The following TMOD3 variants were observed in gnomAD, a reference collection of about 807,000 sequenced individuals.
TMOD3 encodes tropomodulin-3.
TMOD3 carries 20 observed loss-of-function variants against 39.2 expected under a neutral mutation model. The observed-to-expected ratio is 0.51, with a 90% CI of 0.36 to 0.74. The LOEUF is 0.74. Ranked by LOEUF, TMOD3 falls within the 30% of genes least tolerant of loss-of-function variation. TMOD3 has a pLI of 0.00. For synonymous variants in TMOD3, 143 were observed against 145.8 expected, an observed-to-expected ratio of 0.98 and a Z score of 0.14; for missense variants, 381 against 412.8, an observed-to-expected ratio of 0.92 and a Z score of 0.67.
At chr15:51,871,235 G>A (rs886681474) in intron 3 of TMOD3, among the ~76,000 whole-genome samples, 2 of 152,196 alleles carry the variant, frequency 1.3e-5, no homozygotes, top group Admixed American at 6.5e-5. Context: ...GTTTTGAAGT[G>A]TGGAGAATCA....
chr15:51,886,714 AGAGAGGGAGAGG>A (rs367923890), intron 3 of TMOD3, among the ~76,000 whole-genome samples: 5 of 151,904 alleles, frequency 3.3e-5, no homozygotes, highest in African/African-American at 1.2e-4. Context: ...GAGACCGTGG[AGAGAGGGAGAGG>A]GAGAGGGAGA....
In TMOD3 at chr15:51,861,941, C is replaced by T. The variant is rs143578957; in HGVS notation, c.-74-870C>T. On this transcript the variant is annotated intron_variant, in intron 1 of 9. Coordinates refer to ENST00000308580, the MANE Select transcript of TMOD3 (RefSeq NM_014547.5). ...TACAGATGTGAGTCACTGCGTCTGGCCCAGTACTAGGTATATTTTATGAGA... is the reference window on the plus strand; with the variant it reads ...TACAGATGTGAGTCACTGCGTCTGGTCCAGTACTAGGTATATTTTATGAGA... Among the ~76,000 whole-genome samples the T allele has an allele frequency of 4.3e-4, 66 of 152,228 alleles. 1 individual carries two copies. Among genetic ancestry groups the T allele is most frequent in the African/African-American group, 1.5e-3 (63 of 41,522 alleles).
intron 1 of TMOD3, among the ~76,000 whole-genome samples, chr15:51,856,016 A>G (rs912975350): frequency 3.9e-5 from 6 of 152,206 alleles, no homozygotes; most frequent in African/African-American, 1.2e-4. Context: ...TAATCCCAGC[A>G]CTTTAGGAGG....
At chr15:51,870,511 C>T (rs1194310262) in intron 3 of TMOD3, among the ~76,000 whole-genome samples, 1 of 152,042 alleles carries the variant, frequency 6.6e-6, no homozygotes, top group Non-Finnish European at 1.5e-5. Flanking sequence ...AGAAAGAGGC[C>T]CTTCTCAATC....
chr15:51,883,033 A>G (rs912155734), intron 3 of TMOD3, among the ~76,000 whole-genome samples: 3 of 152,244 alleles, frequency 2.0e-5, no homozygotes, highest in African/African-American at 7.2e-5. Context: ...GTGTTCAACT[A>G]ACCTGGAAGA....
rs373836689 is a variant in TMOD3 at position 51,838,048 on chromosome 15, C to T, written c.-75+8212C>T. ...TGTAATGAACCGTGTGATGTAAGGG[C>T]TGCAGGCGGAAGAGCATGGAGGCGT... On this transcript the variant is annotated intron_variant, in intron 1 of 9. Transcript: ENST00000308580. Among the ~76,000 whole-genome samples, 32 of 152,148 alleles carry T rather than the reference C, an allele frequency of 2.1e-4. 1 individual carries two copies. Among genetic ancestry groups the T allele is most frequent in the East Asian group, 1.7e-3 (9 of 5,200 alleles).
intron 1 of TMOD3, among the ~76,000 whole-genome samples, chr15:51,846,485 A>G (rs2056336734): frequency 6.6e-6 from 1 of 152,230 alleles, no homozygotes; most frequent in Non-Finnish European, 1.5e-5. Flanking sequence ...TTTAGGTTTT[A>G]TGTGTTCTTC....
chr15:51,900,147 A>T lies in TMOD3; in HGVS notation c.736-8A>T, dbSNP rs750664165. 1.2e-6 allele frequency: 2 copies of T among 1,613,352 alleles called. No individual in the cohort carries two copies. The highest frequency in any genetic ancestry group is 1.7e-6 in the Non-Finnish European group (2 of 1,179,786). On this transcript the variant is annotated splice_region_variant and splice_polypyrimidine_tract_variant and intron_variant, in intron 7 of 9. Transcript: ENST00000308580. ...TTTTAATCTCTTAATATTTTCTCTA[A>T]TTTCTAGGCTTTTGCAGAAATGCTG...
chr15:51,830,128 C>T (rs1433905652), intron 1 of TMOD3, among the ~76,000 whole-genome samples: 1 of 152,160 alleles, frequency 6.6e-6, no homozygotes, highest in Non-Finnish European at 1.5e-5. Flanking sequence ...GGACCGGCCC[C>T]CTCCCCTCCC....
At chr15:51,901,572 A>T (rs986448846) in intron 8 of TMOD3, 36 of 184,806 alleles carry the variant, frequency 1.9e-4, no homozygotes, top group African/African-American at 5.8e-4. Flanking sequence ...TAAAAAGTTT[A>T]GTGTGTGTGT....
chr15:51,830,078 G>A (rs185851741), intron 1 of TMOD3, among the ~76,000 whole-genome samples: 1,980 of 152,186 alleles, frequency 0.013, 45 homozygotes, highest in African/African-American at 0.045. Flanking sequence ...CGAACCTGGC[G>A]TTCCCAGTGA....
intron 1 of TMOD3, among the ~76,000 whole-genome samples, chr15:51,861,769 CA>C (rs749214831): frequency 5.9e-5 from 9 of 151,818 alleles, no homozygotes; most frequent in Non-Finnish European, 1.2e-4. Context: ...GCCATCCTCC[CA>C]TCTCAGCCTC....
chr15:51,897,429 T>C (rs1873863033), intron 7 of TMOD3, among the ~76,000 whole-genome samples: 2 of 150,000 alleles, frequency 1.3e-5, no homozygotes, highest in Non-Finnish European at 3.0e-5. Context: ...CTGTTTTCTA[T>C]CTTACTAAAT....
At chr15:51,901,709 CAACA>C (rs998134182) in intron 8 of TMOD3, among the ~76,000 whole-genome samples, 179 bp from the exon 9 acceptor site, 10 of 151,636 alleles carry the variant, frequency 6.6e-5, no homozygotes, top group African/African-American at 2.4e-4. Context: ...CAGTTTTCTA[CAACA>C]AACAATTTGT....
At chr15:51,869,485 T>C in intron 3 of TMOD3, 112 bp downstream of exon 3, 1 of 989,946 alleles carries the variant, frequency 1.0e-6, no homozygotes, top group African/African-American at 1.7e-5. Flanking sequence ...GCCTTAAATA[T>C]ATGATACTGT....
At chr15:51,832,306 A>C (rs2056260690) in intron 1 of TMOD3, among the ~76,000 whole-genome samples, 1 of 148,998 alleles carries the variant, frequency 6.7e-6, no homozygotes, top group Non-Finnish European at 1.5e-5. Context: ...AGTCCACAGC[A>C]CTTGTAAGAG....
intron 9 of TMOD3, among the ~76,000 whole-genome samples, chr15:51,902,481 A>AT (rs578003680): frequency 6.6e-6 from 1 of 151,540 alleles, no homozygotes; most frequent in Non-Finnish European, 1.5e-5. Context: ...TTTGTTGTTG[A>AT]TTTTTTTTGA....
intron 4 of TMOD3, among the ~76,000 whole-genome samples, chr15:51,888,729 ATGAAC>A (rs1295682215): frequency 2.0e-5 from 3 of 152,204 alleles, no homozygotes; most frequent in Non-Finnish European, 4.4e-5. Context: ...TGTGAAATTA[ATGAAC>A]GGCAAAAATA....
At chr15:51,857,701 C>T (rs2056395140) in intron 1 of TMOD3, among the ~76,000 whole-genome samples, 1 of 151,630 alleles carries the variant, frequency 6.6e-6, no homozygotes, top group South Asian at 2.1e-4. Context: ...GGCTTATGTA[C>T]TGAAAATTTC....
Sources: allele counts gnomAD v4.1 joint callset (sites outside exome capture counted in the v4.1 genomes callset), GRCh38; gene constraint gnomAD v4.1.1; transcripts MANE v1.5; gene names NCBI Gene and HGNC (gene_info 2026-07-23, HGNC 2026-07-21).